The following PIK3C2G variants were observed in gnomAD, a reference collection of about 807,000 sequenced individuals.
PIK3C2G encodes phosphatidylinositol 3-kinase C2 domain-containing subunit gamma.
In PIK3C2G, 168 loss-of-function variants were observed where a neutral mutation model predicts 181.1. The observed-to-expected ratio is 0.93, with a 90% CI of 0.82 to 1.05. PIK3C2G has a LOEUF of 1.05. Ranked by LOEUF, PIK3C2G falls within the 50% of genes least tolerant of loss-of-function variation. PIK3C2G has a pLI of 0.00. For missense variants in PIK3C2G, 1,869 were observed against 1,732.8 expected (o/e 1.08, Z -1.40); for synonymous variants, 573 against 592.2 (o/e 0.97, Z 0.47).
chr12:18,641,953 T>G (rs1949864789), intron 32 of PIK3C2G, among the ~76,000 whole-genome samples: 1 of 152,130 alleles, frequency 6.6e-6, no homozygotes, highest in Non-Finnish European at 1.5e-5. Flanking sequence ...TTTTGCCGTG[T>G]TGGTCAGGCT....
At chr12:18,617,020 C>T (rs917652125) in intron 31 of PIK3C2G, among the ~76,000 whole-genome samples, 2 of 152,022 alleles carry the variant, frequency 1.3e-5, no homozygotes, top group Non-Finnish European at 2.9e-5. Context: ...TAATCTAATG[C>T]AGATAAGGCC....
chr12:18,394,977 C>CT (rs1592147444), intron 15 of PIK3C2G, among the ~76,000 whole-genome samples: 2 of 151,624 alleles, frequency 1.3e-5, no homozygotes, highest in East Asian at 3.9e-4. Context: ...TACATACTCT[C>CT]CCTTTCTTTC....
intron 25 of PIK3C2G, 77 bp downstream of exon 25, chr12:18,538,389 T>A (rs1031223090): frequency 8.0e-7 from 1 of 1,251,706 alleles, no homozygotes; most frequent in Non-Finnish European, 1.1e-6. Context: ...TTTTTACTAA[T>A]GGCTTGGAGT....
At chr12:18,495,423 T>G (rs992559405) in intron 20 of PIK3C2G, among the ~76,000 whole-genome samples, 6 of 152,124 alleles carry the variant, frequency 3.9e-5, no homozygotes, top group Non-Finnish European at 8.8e-5. Context: ...TACTGCTATT[T>G]ATAAAAAACA....
At chr12:18,493,527 T>C (rs1198371475) in intron 20 of PIK3C2G, 2 of 152,342 alleles carry the variant, frequency 1.3e-5, no homozygotes, top group African/African-American at 4.8e-5. Context: ...TATGGGAAGA[T>C]ATTCAGTTAT....
In PIK3C2G at chr12:18,533,558, T is replaced by C. The variant is rs113573140; in HGVS notation, c.3324-4598T>C. ...CTGATCTGCTCATATATACCCTTCC[T>C]GCTCCAAACCCTTCTCTGTATTGTT... On this transcript the variant is annotated intron_variant, in intron 24 of 32. Coordinates refer to ENST00000538779, the MANE Select transcript of PIK3C2G (RefSeq NM_001288772.2). Among the ~76,000 whole-genome samples, 427 of 152,322 alleles carry C rather than the reference T, an allele frequency of 2.8e-3. 4 individuals are homozygous for C. The highest frequency in any genetic ancestry group is 9.8e-3 in the African/African-American group (407 of 41,582).
At chr12:18,316,746 T>A (rs1357427292) in intron 6 of PIK3C2G, among the ~76,000 whole-genome samples, 3 of 151,890 alleles carry the variant, frequency 2.0e-5, no homozygotes, top group African/African-American at 7.2e-5. Context: ...ATAATAATAA[T>A]AATAAAATAA....
the PIK3C2G span, chr12:18,695,061 G>C: frequency 6.4e-5 from 104 of 1,612,762 alleles, no homozygotes; most frequent in Non-Finnish European, 8.1e-5. Context: ...CAGACCAGGG[G>C]TCTGGAAATT....
chr12:18,333,572 A>C (rs2137556349), intron 8 of PIK3C2G, among the ~76,000 whole-genome samples: 1 of 152,264 alleles, frequency 6.6e-6, no homozygotes, highest in Non-Finnish European at 1.5e-5. Context: ...TTGCTAACTA[A>C]GAATGATGGT....
At position 18,481,924 on chromosome 12, in the gene PIK3C2G, T is replaced by G. The variant is rs74525498; in HGVS notation, c.2505-6525T>G. Among the ~76,000 whole-genome samples the G allele has an allele frequency of 4.8e-3, 731 of 152,302 alleles. 3 individuals are homozygous for G. Among genetic ancestry groups the G allele is most frequent in the African/African-American group, 0.017 (691 of 41,574 alleles). On this transcript the variant is annotated intron_variant, in intron 18 of 32. Transcript: ENST00000538779. ...ACATTTCTTTCTGACTCTTAGATTT[T>G]TAACTGTCTTGGCTAGTTTTTATTA... is the stretch of plus-strand genomic sequence containing the variant.
At chr12:18,255,579 G>C (rs571610341) in intron 1 of PIK3C2G, among the ~76,000 whole-genome samples, 1 of 152,274 alleles carries the variant, frequency 6.6e-6, no homozygotes, top group South Asian at 2.1e-4. Flanking sequence ...TGTTGAGGGC[G>C]AGGGAGCAGA....
rs1591744191 is a variant in PIK3C2G at position 18,640,549 on chromosome 12, G to GA, written c.4306dup (p.Ile1436AsnfsTer5). ...AAAATGTACGGACCCCACTTACAAT[G>GA]AAATTGTAAGTATAAGTCACCTTTT... On this transcript the variant is annotated frameshift_variant, in exon 32 of 33. Coordinates refer to ENST00000538779, the MANE Select transcript of PIK3C2G (RefSeq NM_001288772.2). LOFTEE classifies it high-confidence loss of function. 1 of 1,593,598 alleles carries GA rather than the reference G, an allele frequency of 6.3e-7. No individual in the cohort carries two copies. Among genetic ancestry groups the GA allele is most frequent in the Non-Finnish European group, 8.6e-7 (1 of 1,168,256 alleles).
At chr12:18,469,748 T>A (rs1938268784) in intron 18 of PIK3C2G, among the ~76,000 whole-genome samples, 1 of 148,840 alleles carries the variant, frequency 6.7e-6, no homozygotes. Flanking sequence ...AAGATGAATG[T>A]ATGCTTAATT....
At chr12:18,346,931 T>G in intron 11 of PIK3C2G, 95 bp downstream of exon 11, 1 of 701,878 alleles carries the variant, frequency 1.4e-6, no homozygotes. Flanking sequence ...GGAGCAAAGA[T>G]TTCATAAAAT....
chr12:18,488,495 C>G lies in PIK3C2G; in HGVS notation c.2551C>G (p.Gln851Glu). 6.4e-7 allele frequency: 1 copy of G among 1,553,242 alleles called. No individual in the cohort carries two copies. ...TGAAGCTTATTTTAAAAGCTGGTAT[C>G]AGAAGCTACTAGCTGCTCTCCAATT... The part of the protein sequence containing the change: ...ENEAYFKSWY[Q>E]KLLAALQFCA... Residue 851 changes from glutamine to glutamate, a missense_variant, in exon 19 of 33, where the codon CAG (glutamine) becomes GAG (glutamate). By Grantham distance (29) the Gln-to-Glu change is conservative (BLOSUM62 2). Coordinates refer to ENST00000538779, the MANE Select transcript of PIK3C2G (RefSeq NM_001288772.2).
intron 18 of PIK3C2G, among the ~76,000 whole-genome samples, chr12:18,451,786 T>C (rs1485131820): frequency 6.6e-6 from 1 of 152,240 alleles, no homozygotes; most frequent in Admixed American, 6.5e-5. Context: ...TGAAGGGGTG[T>C]TGAATTTTAT....
At chr12:18,504,624 A>G (rs1373161403) in intron 23 of PIK3C2G, among the ~76,000 whole-genome samples, 1 of 152,182 alleles carries the variant, frequency 6.6e-6, no homozygotes, top group Non-Finnish European at 1.5e-5. Flanking sequence ...AGTTGATGAA[A>G]TGATGTATAC....
At chr12:18,616,039 A>T (rs1948596382) in intron 31 of PIK3C2G, among the ~76,000 whole-genome samples, 1 of 151,944 alleles carries the variant, frequency 6.6e-6, no homozygotes, top group Non-Finnish European at 1.5e-5. Flanking sequence ...TCATACATCT[A>T]TTTACCTTCT....
chr12:18,488,507 G>T lies in PIK3C2G; in HGVS notation c.2563G>T (p.Ala855Ser), dbSNP rs1196091349. ...TAAAAGCTGGTATCAGAAGCTACTA[G>T]CTGCTCTCCAATTCTGTGCAGGTAA... is the stretch of plus-strand genomic sequence containing the variant. The part of the protein sequence containing the change: ...YFKSWYQKLL[A>S]ALQFCAGKAL... Residue 855 changes from alanine to serine, a missense_variant, in exon 19 of 33, where the codon GCT (alanine) becomes TCT (serine). Transcript: ENST00000538779. 1.6e-5 allele frequency: 25 copies of T among 1,570,354 alleles called. No homozygotes were observed. The highest frequency in any genetic ancestry group is 2.0e-5 in the Non-Finnish European group (23 of 1,158,770).
Sources: gnomAD v4.1 joint callset for allele counts (sites outside exome capture counted in the v4.1 genomes callset) on GRCh38, gnomAD v4.1.1 for gene constraint, MANE v1.5 for transcripts, NCBI Gene and HGNC (gene_info 2026-07-23, HGNC 2026-07-21) for gene names.